Variants in GUCD1 observed in about 807,000 individuals in gnomAD.
GUCD1 encodes the protein guanylyl cyclase domain containing 1.
GUCD1 carries 17 observed loss-of-function variants against 28.3 expected under a neutral mutation model. The ratio of observed to expected loss-of-function variants is 0.60; its 90% CI spans 0.41 to 0.90. GUCD1 has a LOEUF of 0.90. Ranked by LOEUF, GUCD1 falls within the 40% of genes least tolerant of loss-of-function variation. The pLI is 0.00. For missense variants in GUCD1, 279 were observed against 305.5 expected, an observed-to-expected ratio of 0.91 and a Z score of 0.65; for synonymous variants, 129 against 123.3, an observed-to-expected ratio of 1.05 and a Z score of -0.30.
Position 24,543,563 on chromosome 22 carries a change from G to A in GUCD1, c.628+279C>T, listed in dbSNP as rs113286540. ...GGGGTGCAGCCTGGGCAGCATGAAA[G>A]GGTAAGGCAGGGACCTGGGCAGTGG... On this transcript the variant is annotated intron_variant, in intron 5 of 5. Transcript: ENST00000435822. 3.5e-3 allele frequency among the ~76,000 whole-genome samples: 532 copies of A among 152,294 alleles called. 2 individuals carry two copies. Among genetic ancestry groups the A allele is most frequent in the African/African-American group, 0.012 (492 of 41,554 alleles).
At chr22:24,553,964 G>A (rs1036393471) in intron 1 of GUCD1, among the ~76,000 whole-genome samples, 9 of 152,268 alleles carry the variant, frequency 5.9e-5, no homozygotes, top group Non-Finnish European at 1.0e-4. Flanking sequence ...CCAAAGGGCT[G>A]CCTGGAAGGC....
In GUCD1 at chr22:24,551,267, A is replaced by C. The variant is rs1221574775; in HGVS notation, c.44-2266T>G. ...CTTCCTCTTAACCCAGATGCCTCCA[A>C]AAGATACCCAGGCCGTTCACTCAAG... On this transcript the variant is annotated intron_variant, in intron 1 of 5. Transcript: ENST00000435822. 2.6e-5 allele frequency among the ~76,000 whole-genome samples: 4 copies of C among 152,172 alleles called. No individual in the cohort carries two copies. The East Asian group carries it at 7.7e-4, about 29-fold the overall frequency.
At chr22:24,543,649 T>C (rs1009996807) in intron 5 of GUCD1, among the ~76,000 whole-genome samples, 193 bp downstream of exon 5, 1 of 151,854 alleles carries the variant, frequency 6.6e-6, no homozygotes, top group Non-Finnish European at 1.5e-5. Flanking sequence ...TGGCACAGTT[T>C]GCGGCAGGTT....
At chr22:24,547,051 T>G in intron 3 of GUCD1, 46 bp from the exon 4 acceptor site, 1 of 1,413,506 alleles carries the variant, frequency 7.1e-7, no homozygotes. Context: ...CCAGGCTGCC[T>G]TCACTCCATT....
At position 24,548,956 on chromosome 22, in the gene GUCD1, T is replaced by TG; in HGVS notation, c.88dup (p.His30ProfsTer23). ...GGAGCAGGCCAGGCCACAGTCCCAG[T>TG]GGTAGAGCTGCTGGATGACGGGCAC... is the stretch of plus-strand genomic sequence containing the variant. On this transcript the variant is annotated frameshift_variant, in exon 2 of 6. Transcript: ENST00000435822. LOFTEE classifies it high-confidence loss of function. The TG allele has an allele frequency of 1.3e-6, 2 of 1,586,268 alleles. No homozygotes were observed. The highest frequency in any genetic ancestry group is 1.7e-6 in the Non-Finnish European group (2 of 1,166,180).
upstream of GUCD1, chr22:24,555,893 A>C: frequency 1.3e-6 from 2 of 1,498,776 alleles, no homozygotes; most frequent in Non-Finnish European, 1.8e-6. Flanking sequence ...AGGCGGAGTG[A>C]GGAGGAAGCG....
At chr22:24,544,118 G>T (rs2044665636) in intron 4 of GUCD1, 35 bp from the exon 5 acceptor site, 2 of 1,594,956 alleles carry the variant, frequency 1.3e-6, no homozygotes, top group Middle Eastern at 1.7e-4. Context: ...GGTGCTGCTG[G>T]GCCCCCATTC....
At chr22:24,554,894 G>T in intron 1 of GUCD1, 55 bp downstream of exon 1, 1 of 1,404,398 alleles carries the variant, frequency 7.1e-7, no homozygotes, top group Non-Finnish European at 1.0e-6. Flanking sequence ...CCCGCGCTAG[G>T]GAGGGGTCCC....
chr22:24,543,278 C>T (rs957242430), intron 5 of GUCD1, among the ~76,000 whole-genome samples, 181 bp from the exon 6 acceptor site: 1 of 152,164 alleles, frequency 6.6e-6, no homozygotes, highest in African/African-American at 2.4e-5. Flanking sequence ...CATGAGGTTT[C>T]TCTGACTCCT....
chr22:24,548,916 C>T lies in GUCD1; in HGVS notation c.128+1G>A, dbSNP rs1224897701. 6.4e-7 allele frequency: 1 copy of T among 1,571,402 alleles called. No homozygotes were observed. The highest frequency in any genetic ancestry group is 1.2e-5 in the South Asian group (1 of 85,414). On this transcript the variant is annotated splice_donor_variant, in intron 2 of 5. Coordinates refer to ENST00000435822, the MANE Select transcript of GUCD1 (RefSeq NM_001284254.2). LOFTEE classifies it high-confidence loss of function. ...GGGCCCCCAGCCCTGGCCCCACTCA[C>T]CGCAGCACCATCCTGGAGCAGGCCA...
chr22:24,548,895 C>T (rs1462059346), intron 2 of GUCD1, 22 bp downstream of exon 2: 2 of 1,546,156 alleles, frequency 1.3e-6, no homozygotes, highest in Admixed American at 2.0e-5. Context: ...GCACCTGGGC[C>T]CCCAGCCCTG....
chr22:24,549,468 A>G (rs896635504), intron 1 of GUCD1, among the ~76,000 whole-genome samples: 14 of 151,674 alleles, frequency 9.2e-5, no homozygotes, highest in African/African-American at 3.4e-4. Flanking sequence ...CACCATGCCT[A>G]CTCAAAGCCC....
At chr22:24,544,466 A>T (rs1428099772) in intron 4 of GUCD1, among the ~76,000 whole-genome samples, 2 of 149,290 alleles carry the variant, frequency 1.3e-5, no homozygotes, top group Non-Finnish European at 1.5e-5. Context: ...ACCCTAAATC[A>T]TGTGTGGTTT....
Position 24,543,833 on chromosome 22 carries a change from A to G in GUCD1, c.628+9T>C, listed in dbSNP as rs773399050. The G allele has an allele frequency of 4.3e-6, 7 of 1,613,398 alleles. No homozygotes were observed. The East Asian group carries it at 1.3e-4, about 31-fold the overall frequency. ...CCACTCTGCCTCACCCACCCCACCCAGCACTCACGGTCGGCATAGGCTGGG... is the reference window on the plus strand; with the variant it reads ...CCACTCTGCCTCACCCACCCCACCCGGCACTCACGGTCGGCATAGGCTGGG... On this transcript the variant is annotated intron_variant, in intron 5 of 5. Transcript: ENST00000435822.
intron 5 of GUCD1, 73 bp downstream of exon 5, chr22:24,543,769 G>T: frequency 4.5e-6 from 7 of 1,559,736 alleles, no homozygotes; most frequent in Non-Finnish European, 6.1e-6. Flanking sequence ...GAATGGGTGG[G>T]AACTGTGGGC....
chr22:24,546,971 G>C lies in GUCD1; in HGVS notation c.329C>G (p.Thr110Ser). 6.2e-7 allele frequency: 1 copy of C among 1,614,152 alleles called. No homozygotes were observed. Among genetic ancestry groups the C allele is most frequent in the Non-Finnish European group, 8.5e-7 (1 of 1,180,016 alleles). Residue 110 changes from threonine to serine, a missense_variant, in exon 4 of 6, where the codon ACC (threonine) becomes AGC (serine). Physicochemically the swap from Thr to Ser is moderately conservative, Grantham distance 58. Transcript: ENST00000435822. ...TTGTGCAAACAGCTGATTCACCCGG[G>C]TCTCTTCTGTGTCAAAGTGCTTCCT... ...FYRKHFDTEE[T>S]RVNQLFAQAK...
At chr22:24,547,522 T>C in intron 3 of GUCD1, 1 of 208,154 alleles carries the variant, frequency 4.8e-6, no homozygotes, top group Non-Finnish European at 9.8e-6. Context: ...CTGGCTCTCC[T>C]GGTGAAAAGT....
rs2044604787 is a variant in GUCD1, at chr22:24,541,964, A to G, written c.*1042T>C. On this transcript the variant is annotated 3_prime_UTR_variant, in exon 6 of 6. Coordinates refer to ENST00000435822, the MANE Select transcript of GUCD1 (RefSeq NM_001284254.2). ...ACCCCTGACCCCAACCTCCCCAAAA[A>G]AGAGGAAGGAAAGAGCTCTATGCTA... The G allele has an allele frequency of 6.6e-6, 1 of 152,248 alleles. No homozygotes were observed. The highest frequency in any genetic ancestry group is 6.5e-5 in the Admixed American group (1 of 15,276). 9.4% of individuals were successfully genotyped at this position (152,248 alleles called of 1,614,324 possible). A position where few individuals can be genotyped will look rare whatever the true frequency, so the allele number is the denominator to read the frequency against.
chr22:24,544,463 A>T, intron 4 of GUCD1, among the ~76,000 whole-genome samples: 1 of 151,888 alleles, frequency 6.6e-6, no homozygotes, highest in East Asian at 1.9e-4. Context: ...TCTACCCTAA[A>T]TCATGTGTGG....
Sources: gnomAD v4.1 joint callset for allele counts (sites outside exome capture counted in the v4.1 genomes callset) on GRCh38, gnomAD v4.1.1 for gene constraint, MANE v1.5 for transcripts, NCBI Gene and HGNC (gene_info 2026-07-23, HGNC 2026-07-21) for gene names.